The following SEMA5A variants were observed in gnomAD, a reference collection of about 807,000 sequenced individuals.
SEMA5A encodes semaphorin 5A, also known as semaphorin-5A.
SEMA5A carries 55 observed loss-of-function variants against 135.5 expected under a neutral mutation model. The observed-to-expected ratio is 0.41, with a 90% CI of 0.33 to 0.51. The LOEUF (loss-of-function observed/expected upper bound fraction) is 0.51. Ranked by LOEUF, SEMA5A falls within the 20% of genes least tolerant of loss-of-function variation. The pLI, the probability that SEMA5A is intolerant of heterozygous loss-of-function variation, is 0.37. For missense variants in SEMA5A, 1,290 were observed against 1,419.9 expected (o/e 0.91, Z 1.47); for synonymous variants, 580 against 546.5 (o/e 1.06, Z -0.85).
intron 1 of SEMA5A, among the ~76,000 whole-genome samples, chr5:9,499,475 C>G (rs986160798): frequency 6.6e-6 from 1 of 152,162 alleles, no homozygotes; most frequent in Non-Finnish European, 1.5e-5. Context: ...AAGGATGCCT[C>G]ATTGACCTAG....
chr5:9,270,316 T>C (rs1344723600), intron 5 of SEMA5A, among the ~76,000 whole-genome samples: 1 of 151,522 alleles, frequency 6.6e-6, no homozygotes, highest in African/African-American at 2.4e-5. Flanking sequence ...TCTTTGCTAA[T>C]TTTTTTTTCC....
intron 16 of SEMA5A, among the ~76,000 whole-genome samples, chr5:9,072,057 T>C (rs1737797949): frequency 6.6e-6 from 1 of 152,226 alleles, no homozygotes; most frequent in Non-Finnish European, 1.5e-5. Flanking sequence ...CATTCAAAAT[T>C]ATATGGTCAC....
At chr5:9,384,527 TATAGATAGATAGATAGATAG>T (rs10547408) in intron 2 of SEMA5A, among the ~76,000 whole-genome samples, 2 of 96,458 alleles carry the variant, frequency 2.1e-5, no homozygotes, top group African/African-American at 4.3e-5. Context: ...GAACCTCTGC[TATAGATAGATAGATAGATAG>T]ATAGATAGAT....
chr5:9,482,501 G>C (rs754799090), intron 1 of SEMA5A, among the ~76,000 whole-genome samples: 1 of 152,150 alleles, frequency 6.6e-6, no homozygotes, highest in Non-Finnish European at 1.5e-5. Context: ...CCCCTCTCAG[G>C]CATACAATAA....
chr5:9,492,276 A>G (rs2126802373), intron 1 of SEMA5A, among the ~76,000 whole-genome samples: 1 of 152,304 alleles, frequency 6.6e-6, no homozygotes, highest in East Asian at 1.9e-4. Context: ...AACACAAATT[A>G]CCAATAAAGT....
At chr5:9,197,742 G>GTTTGTGTGTT (rs879926999) in intron 9 of SEMA5A, among the ~76,000 whole-genome samples, 3 of 112,526 alleles carry the variant, frequency 2.7e-5, no homozygotes, top group African/African-American at 6.4e-5. Flanking sequence ...GTGTGTGTGT[G>GTTTGTGTGTT]TGTGTGTGTG....
chr5:9,414,218 C>T (rs1561233808), intron 2 of SEMA5A, among the ~76,000 whole-genome samples: 1 of 152,036 alleles, frequency 6.6e-6, no homozygotes, highest in Non-Finnish European at 1.5e-5. Flanking sequence ...TTAAAGGATA[C>T]CATTAAACAA....
At chr5:9,154,767 T>A in intron 11 of SEMA5A, 72 bp from the exon 12 acceptor site, 1 of 1,339,408 alleles carries the variant, frequency 7.5e-7, no homozygotes. Context: ...TTAAACAGAG[T>A]GTGCTGTGTA....
chr5:9,149,790 C>T (rs1458450651), intron 12 of SEMA5A, among the ~76,000 whole-genome samples: 3 of 152,182 alleles, frequency 2.0e-5, no homozygotes, highest in Admixed American at 2.0e-4. Context: ...GAGAAAATAA[C>T]AACCTGATTT....
intron 8 of SEMA5A, among the ~76,000 whole-genome samples, chr5:9,214,260 C>T (rs1200834698): frequency 6.6e-6 from 1 of 152,114 alleles, no homozygotes; most frequent in African/African-American, 2.4e-5. Flanking sequence ...ATCATAGCGG[C>T]CAGGCAAGAA....
intron 11 of SEMA5A, among the ~76,000 whole-genome samples, chr5:9,162,091 G>A (rs1446808489): frequency 6.6e-6 from 1 of 152,138 alleles, no homozygotes; most frequent in African/African-American, 2.4e-5. Context: ...CATTAGAAAA[G>A]GTTATTTCTG....
chr5:9,424,227 G>T lies in SEMA5A; in HGVS notation c.-78+13529C>A, dbSNP rs534644804. On this transcript the variant is annotated intron_variant, in intron 2 of 22. Coordinates refer to ENST00000382496, the MANE Select transcript of SEMA5A (RefSeq NM_003966.3). The stretch of plus-strand genomic sequence containing the variant: ...AGGAACTCACATCAAATATTTCATT[G>T]TAAGAGTCTGATCTTATTTCCTATA... Among the ~76,000 whole-genome samples the T allele has an allele frequency of 2.0e-5, 3 of 152,306 alleles. No homozygotes were observed. In the South Asian group the frequency reaches 6.2e-4, roughly 32 times the overall value.
chr5:9,384,384 G>T (rs6859592), intron 2 of SEMA5A, among the ~76,000 whole-genome samples: 1 of 151,866 alleles, frequency 6.6e-6, no homozygotes, highest in Non-Finnish European at 1.5e-5. Context: ...ATATAATCCC[G>T]TGTTCTGGGC....
chr5:9,296,044 A>C (rs1402947358), intron 5 of SEMA5A, among the ~76,000 whole-genome samples: 1 of 152,234 alleles, frequency 6.6e-6, no homozygotes, highest in Admixed American at 6.5e-5. Context: ...TTACTTATCA[A>C]CTAAGGGGTA....
At chr5:9,053,219 G>A (rs187691982) in intron 19 of SEMA5A, among the ~76,000 whole-genome samples, 191 of 152,260 alleles carry the variant, frequency 1.3e-3, no homozygotes, top group African/African-American at 3.9e-3. Context: ...GGCCCCAAGC[G>A]CCTGCATCAG....
chr5:9,279,100 C>G (rs1199638515), intron 5 of SEMA5A, among the ~76,000 whole-genome samples: 1 of 152,224 alleles, frequency 6.6e-6, no homozygotes, highest in East Asian at 1.9e-4. Flanking sequence ...TCAACGCCAG[C>G]CCATGAAAGC....
chr5:9,262,856 C>A (rs1466338695), intron 5 of SEMA5A, among the ~76,000 whole-genome samples: 1 of 125,444 alleles, frequency 8.0e-6, no homozygotes, highest in Non-Finnish European at 1.6e-5. Context: ...TGTAACTAAC[C>A]TGCACAATGT....
intron 4 of SEMA5A, among the ~76,000 whole-genome samples, chr5:9,320,932 G>A (rs1752602854): frequency 6.6e-6 from 1 of 152,098 alleles, no homozygotes; most frequent in South Asian, 2.1e-4. Flanking sequence ...TCAGAAGCGG[G>A]GCTTACCAGT....
At chr5:9,433,732 A>C (rs1306881781) in intron 2 of SEMA5A, among the ~76,000 whole-genome samples, 1 of 152,180 alleles carries the variant, frequency 6.6e-6, no homozygotes, top group African/African-American at 2.4e-5. Context: ...ATATTATCAA[A>C]TTGACTAAAA....
Sources: gnomAD v4.1 joint callset for allele counts (sites outside exome capture counted in the v4.1 genomes callset) on GRCh38, gnomAD v4.1.1 for gene constraint, MANE v1.5 for transcripts, NCBI Gene and HGNC (gene_info 2026-07-23, HGNC 2026-07-21) for gene names.